HDX: variants seen among roughly 807,000 people sequenced by gnomAD.
The protein encoded by HDX is highly divergent homeobox, also known as chromosome X open reading frame 43.
Under a neutral mutation model 45.2 loss-of-function variants are expected in HDX, and 19 were observed. The ratio of observed to expected loss-of-function variants is 0.42; its 90% CI spans 0.29 to 0.62. HDX has a LOEUF of 0.62. Ranked by LOEUF, HDX falls within the 20% of genes least tolerant of loss-of-function variation. The pLI is 0.20. For missense variants in HDX, 532 were observed against 493.9 expected (o/e 1.08, Z -0.73); for synonymous variants, 188 against 172.8 (o/e 1.09, Z -0.69).
Position 84,333,781 on chromosome X carries a change from A to T in HDX, c.1802T>A (p.Val601Glu). The change falls in exon 9 of 11, where the codon GTA (valine) becomes GAA (glutamate). Residue 601 changes from valine to glutamate, a missense_variant. Coordinates refer to ENST00000373177, the MANE Select transcript of HDX (RefSeq NM_001177479.2). Reference sequence around the variant, plus strand: ...TACCTTATAATCCAAGAAAGAGTTTACTTGTTCTACTTCAGAATTACTTAT... The same window carrying T: ...TACCTTATAATCCAAGAAAGAGTTTTCTTGTTCTACTTCAGAATTACTTAT... Reference protein sequence around the residue: ...DMISNSEVEQVNSFLDYKNEE... With the variant: ...DMISNSEVEQENSFLDYKNEE... 1.1e-6 allele frequency: 1 copy of T among 939,739 alleles called. No individual in the cohort carries two copies. Among genetic ancestry groups the T allele is most frequent in the Non-Finnish European group, 1.5e-6 (1 of 660,379 alleles). The allele number at this position is 939,739 out of a possible 1,213,427, so 77.4% of individuals were successfully genotyped here.
intron 5 of HDX, among the ~76,000 whole-genome samples, chrX:84,394,016 C>G (rs12010176): frequency 0.25 from 27,516 of 109,580 alleles, 2,639 homozygotes; most frequent in Non-Finnish European, 0.3. Context: ...GAATTGTACT[C>G]TTATCTTTAT....
At chrX:84,447,557 A>G (rs767733514) in intron 4 of HDX, among the ~76,000 whole-genome samples, 1 of 111,116 alleles carries the variant, frequency 9.0e-6, no homozygotes, top group South Asian at 3.8e-4. Flanking sequence ...AGGTGACAGC[A>G]TTGCTCCAGA....
intron 5 of HDX, among the ~76,000 whole-genome samples, chrX:84,406,790 A>G (rs1334643748): frequency 9.0e-6 from 1 of 110,904 alleles, no homozygotes; most frequent in Non-Finnish European, 1.9e-5. Flanking sequence ...TTCTTACTAT[A>G]TGTCAGGTTA....
At chrX:84,406,389 G>A (rs1380658932) in intron 5 of HDX, among the ~76,000 whole-genome samples, 4 of 105,865 alleles carry the variant, frequency 3.8e-5, no homozygotes, top group Admixed American at 1.0e-4. Flanking sequence ...GGCTAGAGAA[G>A]TGGCTGTTTA....
intron 6 of HDX, among the ~76,000 whole-genome samples, chrX:84,350,400 AG>A (rs2037318276): frequency 9.0e-6 from 1 of 111,249 alleles, no homozygotes; most frequent in African/African-American, 3.3e-5. Context: ...TAATAACTGT[AG>A]CAGCTGTTGA....
chrX:84,328,197 A>AG (rs202146895), intron 9 of HDX, among the ~76,000 whole-genome samples: 4,040 of 90,619 alleles, frequency 0.045, 69 homozygotes, highest in Middle Eastern at 0.15. Flanking sequence ...TGTCTCTACC[A>AG]AAAAAATATA....
chrX:84,458,721 A>G (rs1489836949), intron 4 of HDX, among the ~76,000 whole-genome samples: 3 of 111,608 alleles, frequency 2.7e-5, no homozygotes, highest in Non-Finnish European at 5.6e-5. Context: ...GTACCCACAC[A>G]TGATATTTCC....
chrX:84,329,725 G>C (rs1400511802), intron 9 of HDX, among the ~76,000 whole-genome samples: 1 of 111,363 alleles, frequency 9.0e-6, no homozygotes, highest in Admixed American at 9.6e-5. Flanking sequence ...TATCCCAAAG[G>C]GGGGAAATAA....
intron 5 of HDX, among the ~76,000 whole-genome samples, chrX:84,383,281 T>C (rs1041787926): frequency 9.0e-6 from 1 of 110,970 alleles, no homozygotes; most frequent in African/African-American, 3.3e-5. Flanking sequence ...TATTCCTAGG[T>C]AATTTTGTAA....
chrX:84,341,060 G>A (rs1391623450), intron 7 of HDX, among the ~76,000 whole-genome samples: 1 of 110,415 alleles, frequency 9.1e-6, no homozygotes, highest in Non-Finnish European at 1.9e-5. Context: ...TGGAGAAGTG[G>A]GAGTTGGGAA....
At chrX:84,399,524 TTC>T (rs2038647308) in intron 5 of HDX, among the ~76,000 whole-genome samples, 1 of 110,718 alleles carries the variant, frequency 9.0e-6, no homozygotes. Context: ...AAGAAATCTA[TTC>T]CCTGAATAGA....
At chrX:84,403,445 C>T (rs1379398971) in intron 5 of HDX, among the ~76,000 whole-genome samples, 1 of 111,484 alleles carries the variant, frequency 9.0e-6, no homozygotes, top group Non-Finnish European at 1.9e-5. Flanking sequence ...TATGTCTCTA[C>T]TTCATAGTTT....
At chrX:84,332,303 A>G (rs775433318) in intron 9 of HDX, among the ~76,000 whole-genome samples, 1 of 111,991 alleles carries the variant, frequency 8.9e-6, no homozygotes, top group African/African-American at 3.2e-5. Flanking sequence ...AGACACTTAC[A>G]TAAAACATAT....
At chrX:84,344,965 C>A (rs1370672996) in intron 6 of HDX, among the ~76,000 whole-genome samples, 1 of 110,685 alleles carries the variant, frequency 9.0e-6, no homozygotes, top group Admixed American at 9.7e-5. Context: ...CAAACAGAAC[C>A]ATCATATAGC....
intron 5 of HDX, 98 bp from the exon 6 acceptor site, chrX:84,361,710 G>A (rs1202150176): frequency 9.1e-6 from 5 of 551,019 alleles, no homozygotes; most frequent in South Asian, 6.6e-5. Context: ...GATGTGCTAC[G>A]ATACTAGCAA....
intron 1 of HDX, among the ~76,000 whole-genome samples, chrX:84,488,609 T>A (rs770975716): frequency 9.0e-6 from 1 of 111,213 alleles, no homozygotes; most frequent in Non-Finnish European, 1.9e-5. Flanking sequence ...ATTCCCCAGT[T>A]GCCACTATAC....
chrX:84,499,156 A>G (rs753024113), intron 1 of HDX, among the ~76,000 whole-genome samples: 1 of 111,976 alleles, frequency 8.9e-6, no homozygotes, highest in East Asian at 2.8e-4. Flanking sequence ...CTTAATAAAT[A>G]TTAGTGTTTA....
At position 84,427,095 on chromosome X, in the gene HDX, A is replaced by G. The variant is rs754732928; in HGVS notation, c.1305+13437T>C. On this transcript the variant is annotated intron_variant, in intron 5 of 10. Transcript: ENST00000373177. ...GTTCTTACCAGAATTTATAAAAAAT[A>G]TTAACGGAATATTGTACATATTTTT... Among the ~76,000 whole-genome samples, 4 of 110,758 alleles carry G rather than the reference A, an allele frequency of 3.6e-5. No individual in the cohort carries two copies. In the Admixed American group the frequency reaches 3.9e-4, roughly 11 times the overall value.
Position 84,478,749 on chromosome X carries a change from T to G in HDX, c.1-3352A>C, listed in dbSNP as rs766287870. ...TGGCATGTGCCTGTAGTCCTAGCTATTCAGGAGTTTCAGGTGAGAGGGTCT... is the reference window on the plus strand; with the variant it reads ...TGGCATGTGCCTGTAGTCCTAGCTAGTCAGGAGTTTCAGGTGAGAGGGTCT... On this transcript the variant is annotated intron_variant, in intron 2 of 10. Transcript: ENST00000373177. 2.7e-3 allele frequency among the ~76,000 whole-genome samples: 298 copies of G among 110,550 alleles called. 1 individual carries two copies. The highest frequency in any genetic ancestry group is 9.5e-3 in the African/African-American group (289 of 30,342).
Sources: allele counts gnomAD v4.1 joint callset (sites outside exome capture counted in the v4.1 genomes callset), GRCh38; gene constraint gnomAD v4.1.1; transcripts MANE v1.5; gene names NCBI Gene and HGNC (gene_info 2026-07-23, HGNC 2026-07-21).